CTNNA2: variants seen among roughly 807,000 people sequenced by gnomAD.
CTNNA2 encodes catenin alpha 2.
CTNNA2 carries 42 observed loss-of-function variants against 101.0 expected under a neutral mutation model. The ratio of observed to expected loss-of-function variants is 0.42; its 90% CI spans 0.32 to 0.54. The LOEUF is 0.54. CTNNA2 is among the 20% of genes least tolerant of loss of function. The pLI is 0.14. For missense variants in CTNNA2, 871 were observed against 1,223.1 expected (o/e 0.71, Z 4.29); for synonymous variants, 450 against 456.4 (o/e 0.99, Z 0.18).
chr2:80,524,823 C>A (rs1689887004), intron 9 of CTNNA2, among the ~76,000 whole-genome samples: 1 of 152,202 alleles, frequency 6.6e-6, no homozygotes, highest in South Asian at 2.1e-4. Flanking sequence ...GGTGGTCCCA[C>A]TCTGACAAGC....
At chr2:79,256,757 C>G (rs558601955) in intron 2 of CTNNA2, among the ~76,000 whole-genome samples, 6 of 152,292 alleles carry the variant, frequency 3.9e-5, no homozygotes, top group Non-Finnish European at 7.4e-5. Context: ...CTGCCCAGTT[C>G]TTCAATCTGT....
Position 79,895,128 on chromosome 2 carries a change from G to A in CTNNA2, c.853-14466G>A, listed in dbSNP as rs372380779. ...TCTATTATATATAATTTAAATGATC[G>A]TTAACAGATGTGCATCACAATTCAG... is the stretch of plus-strand genomic sequence containing the variant. On this transcript the variant is annotated intron_variant, in intron 6 of 18. Coordinates refer to ENST00000402739, the MANE Select transcript of CTNNA2 (RefSeq NM_001282597.3). Among the ~76,000 whole-genome samples the A allele has an allele frequency of 2.6e-5, 4 of 152,018 alleles. 1 individual carries two copies. In the South Asian group the frequency reaches 6.2e-4, roughly 24 times the overall value.
At chr2:79,389,796 T>A (rs1678152210) in intron 4 of CTNNA2, among the ~76,000 whole-genome samples, 1 of 152,186 alleles carries the variant, frequency 6.6e-6, no homozygotes, top group Non-Finnish European at 1.5e-5. Flanking sequence ...TTTTTCTGCT[T>A]TGAATGAGAC....
chr2:80,371,503 T>TACACAC (rs55947840), intron 7 of CTNNA2, among the ~76,000 whole-genome samples: 7 of 148,272 alleles, frequency 4.7e-5, no homozygotes, highest in African/African-American at 7.4e-5. Context: ...GTGCAGTGCA[T>TACACAC]ACACACACAC....
intron 1 of CTNNA2, among the ~76,000 whole-genome samples, chr2:79,634,192 T>A (rs1679868821): frequency 6.6e-6 from 1 of 152,210 alleles, no homozygotes; most frequent in Non-Finnish European, 1.5e-5. Flanking sequence ...GTTCCCTGAA[T>A]TACATCATGG....
At chr2:79,769,012 G>T (rs1034847341) in intron 3 of CTNNA2, among the ~76,000 whole-genome samples, 3 of 152,024 alleles carry the variant, frequency 2.0e-5, no homozygotes, top group African/African-American at 4.8e-5. Context: ...CCGCCACCAC[G>T]CCTGGCTAAT....
chr2:79,418,575 C>A (rs1678508034), intron 4 of CTNNA2, among the ~76,000 whole-genome samples: 1 of 152,196 alleles, frequency 6.6e-6, no homozygotes, highest in East Asian at 1.9e-4. Context: ...GTATAAGCCC[C>A]ATCACTGCCA....
At chr2:80,603,777 C>T (rs1697762215) in intron 15 of CTNNA2, 1 of 313,094 alleles carries the variant, frequency 3.2e-6, no homozygotes, top group African/African-American at 2.2e-5. Context: ...ACACGGTAAG[C>T]AACTATAAAA....
At chr2:79,659,821 A>C (rs1435154232) in intron 2 of CTNNA2, among the ~76,000 whole-genome samples, 1 of 152,128 alleles carries the variant, frequency 6.6e-6, no homozygotes, top group Admixed American at 6.5e-5. Context: ...AAACAGAGAG[A>C]CCAGTCTCTA....
chr2:80,272,679 C>T (rs1210753435), intron 7 of CTNNA2, among the ~76,000 whole-genome samples: 1 of 152,098 alleles, frequency 6.6e-6, no homozygotes, highest in Non-Finnish European at 1.5e-5. Flanking sequence ...ATACAGGACA[C>T]CTAGTTAAAT....
At chr2:80,124,995 G>T (rs914675192) in intron 7 of CTNNA2, among the ~76,000 whole-genome samples, 1 of 152,102 alleles carries the variant, frequency 6.6e-6, no homozygotes, top group Non-Finnish European at 1.5e-5. Context: ...GGGACAATCG[G>T]TGCTGATTTG....
At chr2:79,357,987 C>G (rs1677545635) in intron 3 of CTNNA2, among the ~76,000 whole-genome samples, 2 of 151,842 alleles carry the variant, frequency 1.3e-5, no homozygotes, top group South Asian at 4.2e-4. Flanking sequence ...GATGCTCAGT[C>G]AAGATTCTAT....
chr2:80,010,293 T>G (rs1437100978), intron 7 of CTNNA2, among the ~76,000 whole-genome samples: 9 of 152,144 alleles, frequency 5.9e-5, no homozygotes, highest in Admixed American at 5.9e-4. Flanking sequence ...TCATTAACTA[T>G]TCTGTAGGCC....
intron 7 of CTNNA2, among the ~76,000 whole-genome samples, chr2:80,280,140 T>C (rs1049679694): frequency 2.6e-5 from 4 of 151,444 alleles, no homozygotes; most frequent in African/African-American, 9.7e-5. Context: ...AATAGGATCT[T>C]GTGTGCTGGT....
Position 80,142,836 on chromosome 2 carries a change from C to T in CTNNA2, c.1056+233039C>T, listed in dbSNP as rs541554897. 5.4e-3 allele frequency among the ~76,000 whole-genome samples: 773 copies of T among 144,366 alleles called. 1 individual carries two copies. Among genetic ancestry groups the T allele is most frequent in the African/African-American group, 0.018 (687 of 37,434 alleles). The allele number at this position is 144,366 out of a possible 152,430, so 94.7% of individuals were successfully genotyped here. On this transcript the variant is annotated intron_variant, in intron 7 of 18. Coordinates refer to ENST00000402739, the MANE Select transcript of CTNNA2 (RefSeq NM_001282597.3). Reference sequence around the variant, plus strand: ...TAAGGACCCATGACTGTATTCTCTCCCTTGGACAACCTTGTATGGAGTAAC... The same window carrying T: ...TAAGGACCCATGACTGTATTCTCTCTCTTGGACAACCTTGTATGGAGTAAC...
chr2:79,930,294 GAGAA>G (rs764326702), intron 7 of CTNNA2, among the ~76,000 whole-genome samples: 14,866 of 121,544 alleles, frequency 0.12, 1,026 homozygotes, highest in East Asian at 0.17. Flanking sequence ...GAGAGAGAAA[GAGAA>G]AGAAAGAAAG....
chr2:79,389,396 A>G (rs1678141482), intron 4 of CTNNA2, among the ~76,000 whole-genome samples: 1 of 152,222 alleles, frequency 6.6e-6, no homozygotes, highest in South Asian at 2.1e-4. Context: ...ATGTAAATTA[A>G]CTACTGCACT....
chr2:79,563,232 T>C (rs1438595567), intron 1 of CTNNA2, among the ~76,000 whole-genome samples: 1 of 150,822 alleles, frequency 6.6e-6, no homozygotes, highest in Non-Finnish European at 1.5e-5. Flanking sequence ...GATGTGCATA[T>C]GATACATTTA....
chr2:80,233,367 A>G (rs1041210314), intron 7 of CTNNA2, among the ~76,000 whole-genome samples: 12 of 151,992 alleles, frequency 7.9e-5, no homozygotes, highest in African/African-American at 2.7e-4. Context: ...TCATTTGAAG[A>G]CACTACTTGT....
Sources: allele counts gnomAD v4.1 joint callset (sites outside exome capture counted in the v4.1 genomes callset), GRCh38; gene constraint gnomAD v4.1.1; transcripts MANE v1.5; gene names NCBI Gene and HGNC (gene_info 2026-07-23, HGNC 2026-07-21).